The following SLC25A33 variants were observed in gnomAD, a reference collection of about 807,000 sequenced individuals.
SLC25A33 encodes bone marrow stromal cell mitochondrial carrier protein.
Under a neutral mutation model 35.5 loss-of-function variants are expected in SLC25A33, and 15 were observed. That is an observed-to-expected ratio of 0.42 (90% CI 0.28 to 0.65). SLC25A33 has a LOEUF of 0.65. Among genes scored for constraint, SLC25A33 ranks in the 30% least tolerant of loss-of-function variants. The probability of loss-of-function intolerance (pLI) is 0.20; values close to 1 mark genes in which losing one functional copy is unlikely to be tolerated. For missense variants in SLC25A33, 257 were observed against 398.5 expected, an observed-to-expected ratio of 0.64 and a Z score of 3.02; for synonymous variants, 136 against 148.7, an observed-to-expected ratio of 0.91 and a Z score of 0.62.
In SLC25A33 at chr1:9,583,314, A is replaced by G. The variant is rs1643768531; in HGVS notation, c.*813A>G. The G allele has an allele frequency of 6.6e-6, 1 of 152,200 alleles. No homozygotes were observed. The allele number at this position is 152,200 out of a possible 1,614,324, so 9.4% of individuals were successfully genotyped here. On this transcript the variant is annotated 3_prime_UTR_variant, in exon 7 of 7. Coordinates refer to ENST00000302692, the MANE Select transcript of SLC25A33 (RefSeq NM_032315.3). The stretch of plus-strand genomic sequence containing the variant: ...TCTTTGTACATTTCCAATTACTTGC[A>G]GATTGATCATCTAAGCGTTCAGACT...
intron 3 of SLC25A33, 111 bp downstream of exon 3, chr1:9,567,472 T>C: frequency 1.0e-6 from 1 of 978,836 alleles, no homozygotes; most frequent in Non-Finnish European, 1.5e-6. Flanking sequence ...TATGTTGGAT[T>C]TGCCTAAATA....
chr1:9,546,847 G>T (rs1185328538), intron 1 of SLC25A33, among the ~76,000 whole-genome samples: 1 of 152,088 alleles, frequency 6.6e-6, no homozygotes, highest in Non-Finnish European at 1.5e-5. Context: ...GCCCACCCAC[G>T]CCTGCTTGGC....
chr1:9,560,896 C>T (rs1443049239), intron 2 of SLC25A33, among the ~76,000 whole-genome samples: 1 of 150,448 alleles, frequency 6.6e-6, no homozygotes, highest in Non-Finnish European at 1.5e-5. Context: ...TAAAAATCTT[C>T]TGGCTTAATA....
intron 5 of SLC25A33, 101 bp downstream of exon 5, chr1:9,573,513 C>A: frequency 1.1e-6 from 1 of 923,546 alleles, no homozygotes; most frequent in Non-Finnish European, 1.7e-6. Context: ...TAGAGATGTA[C>A]CCCCCTCCTC....
At position 9,570,257 on chromosome 1, in the gene SLC25A33, G is replaced by A. The variant is rs769111483; in HGVS notation, c.315-1G>A. 1.2e-6 allele frequency: 2 copies of A among 1,612,698 alleles called. No homozygotes were observed. The highest frequency in any genetic ancestry group is 1.7e-6 in the Non-Finnish European group (2 of 1,179,268). On this transcript the variant is annotated splice_acceptor_variant, in intron 3 of 6. Coordinates refer to ENST00000302692, the MANE Select transcript of SLC25A33 (RefSeq NM_032315.3). LOFTEE classifies it high-confidence loss of function. Reference sequence around the variant, plus strand: ...TTATAATGTTCTCTTTGTTCTAACAGGGCTGTATACTTTGCATGTTACTCC... The same window carrying A: ...TTATAATGTTCTCTTTGTTCTAACAAGGCTGTATACTTTGCATGTTACTCC...
intron 1 of SLC25A33, among the ~76,000 whole-genome samples, chr1:9,545,962 A>G (rs963220662): frequency 1.3e-5 from 2 of 151,212 alleles, no homozygotes; most frequent in Non-Finnish European, 2.9e-5. Context: ...GACTCCGTCT[A>G]AAAAAACAGA....
chr1:9,583,749 T>G lies in SLC25A33; in HGVS notation c.*1248T>G, dbSNP rs577401971. 1 of 152,028 alleles carries G rather than the reference T, an allele frequency of 6.6e-6. No homozygotes were observed. Among genetic ancestry groups the G allele is most frequent in the East Asian group, 1.9e-4 (1 of 5,176 alleles). 9.4% of individuals were successfully genotyped at this position (152,028 alleles called of 1,614,324 possible). A position where few individuals can be genotyped will look rare whatever the true frequency, so the allele number is the denominator to read the frequency against. On this transcript the variant is annotated 3_prime_UTR_variant, in exon 7 of 7. Coordinates refer to ENST00000302692, the MANE Select transcript of SLC25A33 (RefSeq NM_032315.3). The stretch of plus-strand genomic sequence containing the variant: ...AAAAAAAAAATTTAATCCCAGCACT[T>G]TGGGAGGCCAAGGCGGGCAGATCAC...
chr1:9,541,022 C>CAGG, intron 1 of SLC25A33, among the ~76,000 whole-genome samples: 1 of 152,092 alleles, frequency 6.6e-6, no homozygotes, highest in Non-Finnish European at 1.5e-5. Flanking sequence ...CTCTGTCGCC[C>CAGG]AGGCTGGAGT....
chr1:9,575,775 C>T (rs1643654861), intron 5 of SLC25A33, among the ~76,000 whole-genome samples: 1 of 152,212 alleles, frequency 6.6e-6, no homozygotes, highest in Non-Finnish European at 1.5e-5. Context: ...AAAGAGCCTT[C>T]TAACATGCAT....
At chr1:9,553,381 C>T (rs1241446890) in intron 1 of SLC25A33, among the ~76,000 whole-genome samples, 7 of 151,454 alleles carry the variant, frequency 4.6e-5, no homozygotes, top group East Asian at 1.9e-4. Flanking sequence ...CCTGCCACCA[C>T]GCCCAGCTAA....
chr1:9,539,706 C>G lies in SLC25A33; in HGVS notation c.15C>G (p.Gly5=), dbSNP rs1414215081. The change falls in exon 1 of 7, where the codon GGC becomes GGG. Residue 5 remains glycine (G), a synonymous_variant. Transcript: ENST00000302692. ...CCGGCGCGGCCATGGCGACGGGCGG[C>G]CAGCAGAAGGAGAACACGCTGCTTC... is the stretch of plus-strand genomic sequence containing the variant. MATG[G]QQKENTLLHL... The G allele has an allele frequency of 7.2e-7, 1 of 1,394,288 alleles. No homozygotes were observed. Among genetic ancestry groups the G allele is most frequent in the Non-Finnish European group, 9.3e-7 (1 of 1,072,862 alleles). The allele number at this position is 1,394,288 out of a possible 1,614,324, so 86.4% of individuals were successfully genotyped here.
chr1:9,539,499 G>A lies in SLC25A33; in HGVS notation c.-193G>A, dbSNP rs2100360360. 1 of 229,246 alleles carries A rather than the reference G, an allele frequency of 4.4e-6. No individual in the cohort carries two copies. The highest frequency in any genetic ancestry group is 1.1e-4 in the East Asian group (1 of 8,926). The allele number at this position is 229,246 out of a possible 1,614,324, so 14.2% of individuals were successfully genotyped here. On this transcript the variant is annotated 5_prime_UTR_variant, in exon 1 of 7. Transcript: ENST00000302692. Reference sequence around the variant, plus strand: ...CCGGGCTCGCGCCGCAGAGGCCGGTGAGGCGCCGGCGGCCACGCCGCGGAA... The same window carrying A: ...CCGGGCTCGCGCCGCAGAGGCCGGTAAGGCGCCGGCGGCCACGCCGCGGAA...
intron 1 of SLC25A33, among the ~76,000 whole-genome samples, chr1:9,540,662 C>A (rs757580152): frequency 2.0e-5 from 3 of 152,064 alleles, no homozygotes; most frequent in African/African-American, 7.2e-5. Context: ...AGGACCTCAT[C>A]GGCCTGGCAC....
At chr1:9,575,596 T>C (rs1489252536) in intron 5 of SLC25A33, among the ~76,000 whole-genome samples, 1 of 151,874 alleles carries the variant, frequency 6.6e-6, no homozygotes, top group African/African-American at 2.4e-5. Flanking sequence ...GCATGGGTGA[T>C]AGAGTAAGAC....
In SLC25A33 at chr1:9,580,101, A is replaced by G. The variant is rs2100415328; in HGVS notation, c.630A>G (p.Leu210=). Residue 210 remains leucine (L), a synonymous_variant, in exon 6 of 7, where the codon TTA becomes TTG. Transcript: ENST00000302692. ...TCTGCTTTGCTATTTATGAAAGTTT[A>G]AAGAAGTATCTGAAAGAAGCTCCAT... is the stretch of plus-strand genomic sequence containing the variant. The part of the protein sequence containing the change: ...TIICFAIYES[L]KKYLKEAPLA... 2 of 1,612,648 alleles carry G rather than the reference A, an allele frequency of 1.2e-6. No individual in the cohort carries two copies. The highest frequency in any genetic ancestry group is 4.5e-5 in the East Asian group (2 of 44,880).
At chr1:9,567,036 A>G (rs1443871182) in intron 2 of SLC25A33, among the ~76,000 whole-genome samples, 4 of 152,070 alleles carry the variant, frequency 2.6e-5, no homozygotes, top group African/African-American at 9.7e-5. Flanking sequence ...TCAAAAAGAA[A>G]AAAAAAAGGG....
chr1:9,549,944 A>G (rs1286682978), intron 1 of SLC25A33, among the ~76,000 whole-genome samples: 3 of 137,766 alleles, frequency 2.2e-5, no homozygotes, highest in Non-Finnish European at 4.6e-5. Flanking sequence ...ATATTTCTAT[A>G]TATGTATCTT....
At chr1:9,553,931 T>A in intron 2 of SLC25A33, 126 bp downstream of exon 2, 1 of 1,097,506 alleles carries the variant, frequency 9.1e-7, no homozygotes, top group Non-Finnish European at 1.3e-6. Flanking sequence ...ACTTAAGAAT[T>A]AGATTTCTTT....
Position 9,579,957 on chromosome 1 carries a change from G to A in SLC25A33, c.486G>A (p.Val162=), listed in dbSNP as rs373446607. Residue 162 remains valine (V), a synonymous_variant, in exon 6 of 7, where the codon GTG becomes GTA. Coordinates refer to ENST00000302692, the MANE Select transcript of SLC25A33 (RefSeq NM_032315.3). ...VKTRMQLEQK[V]RGSKQMNTLQ... is the part of the protein sequence containing the mutation. ...TGTGTTGGTCTCTTTTATGCAGAGT[G>A]AGGGGCTCTAAGCAGATGAATACAC... 3.2e-5 allele frequency: 52 copies of A among 1,611,954 alleles called. No individual in the cohort carries two copies. The highest frequency in any genetic ancestry group is 4.0e-5 in the Non-Finnish European group (47 of 1,179,122).
Sources: allele counts gnomAD v4.1 joint callset (sites outside exome capture counted in the v4.1 genomes callset), GRCh38; gene constraint gnomAD v4.1.1; transcripts MANE v1.5; gene names NCBI Gene and HGNC (gene_info 2026-07-23, HGNC 2026-07-21).